Variants in PIGG observed in about 807,000 individuals in gnomAD.
PIGG encodes the protein GPI ethanolamine phosphate transferase 2, catalytic subunit.
In PIGG, 70 loss-of-function variants were observed where a neutral mutation model predicts 83.2. The observed-to-expected ratio is 0.84, with a 90% CI of 0.69 to 1.03. PIGG has a LOEUF of 1.03. PIGG is among the 50% of genes least tolerant of loss of function. The pLI is 0.00. For missense variants in PIGG, 1,257 were observed against 1,233.6 expected, an observed-to-expected ratio of 1.02 and a Z score of -0.28; for synonymous variants, 532 against 519.5, an observed-to-expected ratio of 1.02 and a Z score of -0.33.
In PIGG at chr4:505,891, T is replaced by C. The variant is rs782795969; in HGVS notation, c.534T>C (p.Asp178=). 6.8e-6 allele frequency: 11 copies of C among 1,613,100 alleles called. No homozygotes were observed. The highest frequency in any genetic ancestry group is 1.3e-5 in the African/African-American group (1 of 74,522). Residue 178 remains aspartate (D), a synonymous_variant, in exon 3 of 13, where the codon GAT becomes GAC. Coordinates refer to ENST00000453061, the MANE Select transcript of PIGG (RefSeq NM_001127178.3). ...KLFPKHFVEY[D]GTTSFFVSDY... is the part of the protein sequence containing the mutation. ...TCCCAAAGCATTTTGTGGAATATGA[T>C]GGAACAACCTCATTTTTCGTGTCAG...
In PIGG at chr4:506,045, G is replaced by A. The variant is rs375309819; in HGVS notation, c.570+118G>A. 172 of 693,204 alleles carry A rather than the reference G, an allele frequency of 2.5e-4. 2 individuals carry two copies. Among genetic ancestry groups the A allele is most frequent in the South Asian group, 1.9e-3 (95 of 51,138 alleles). 42.9% of individuals were successfully genotyped at this position (693,204 alleles called of 1,614,324 possible). On this transcript the variant is annotated intron_variant, in intron 3 of 12. Transcript: ENST00000453061. ...TATATTTGGTTTTATTAATTTATAG[G>A]GAGTACTATGGACAGGTGTAAAAAT...
Position 519,932 on chromosome 4 carries a change from G to A in PIGG, c.1115-1124G>A, listed in dbSNP as rs186425977. ...GCAGCAGTGGGGTGGGCCTGCAGGC[G>A]TGTGGGTTCATGCTTAGGGACTTGG... On this transcript the variant is annotated intron_variant, in intron 6 of 12. Transcript: ENST00000453061. Among the ~76,000 whole-genome samples the A allele has an allele frequency of 1.9e-3, 267 of 143,918 alleles. 7 individuals carry two copies. The East Asian group carries it at 0.038, about 21-fold the overall frequency. The allele number at this position is 143,918 out of a possible 152,430, so 94.4% of individuals were successfully genotyped here.
chr4:524,088 A>G (rs1726881488), intron 9 of PIGG, among the ~76,000 whole-genome samples, 175 bp downstream of exon 9: 1 of 152,234 alleles, frequency 6.6e-6, no homozygotes, highest in African/African-American at 2.4e-5. Context: ...TACTAGAATC[A>G]ATGTTGAGAA....
chr4:509,343 C>T (rs1448553655), intron 5 of PIGG, among the ~76,000 whole-genome samples: 2 of 152,192 alleles, frequency 1.3e-5, no homozygotes, highest in Non-Finnish European at 2.9e-5. Flanking sequence ...ATAGCAGTGT[C>T]AACAAGAGTC....
chr4:506,810 G>A (rs1350022742), intron 3 of PIGG: 1 of 456,076 alleles, frequency 2.2e-6, no homozygotes, highest in Non-Finnish European at 4.4e-6. Flanking sequence ...CAGCCTTCTT[G>A]TAGGACACAT....
intron 10 of PIGG, 94 bp from the exon 11 acceptor site, chr4:530,342 T>G: frequency 1.2e-6 from 1 of 867,044 alleles, no homozygotes; most frequent in Non-Finnish European, 1.8e-6. Context: ...CATTTACTGG[T>G]TCCCTGGGTA....
At position 528,838 on chromosome 4, in the gene PIGG, C is replaced by A; in HGVS notation, c.2262-1598C>A. 2.0e-6 allele frequency: 1 copy of A among 494,148 alleles called. No homozygotes were observed. The highest frequency in any genetic ancestry group is 2.6e-6 in the Non-Finnish European group (1 of 380,738). 30.6% of individuals were successfully genotyped at this position (494,148 alleles called of 1,614,324 possible). On this transcript the variant is annotated intron_variant, in intron 10 of 12. Coordinates refer to ENST00000453061, the MANE Select transcript of PIGG (RefSeq NM_001127178.3). The surrounding 1 kb of genome is among the most constrained non-coding windows in gnomAD (Gnocchi z 4.8). The stretch of plus-strand genomic sequence containing the variant: ...TCCAGAACTAGCCAGTGTGCCTTTT[C>A]TTTCCACACGCACTGCCTGGTTCAC...
At chr4:521,387 T>C in intron 7 of PIGG, 114 bp downstream of exon 7, 1 of 761,894 alleles carries the variant, frequency 1.3e-6, no homozygotes, top group Non-Finnish European at 2.1e-6. Flanking sequence ...AAAATATTAA[T>C]TTTCTTGTTT....
In PIGG at chr4:527,041, C is replaced by A. The variant is rs766627708; in HGVS notation, c.2072C>A (p.Ser691Tyr). Residue 691 changes from serine (S) to tyrosine (Y), a missense_variant and splice_region_variant, in exon 10 of 13, where the codon TCT (serine) becomes TAT (tyrosine). Coordinates refer to ENST00000453061, the MANE Select transcript of PIGG (RefSeq NM_001127178.3). ...TGGCATTTTCCATCTCATTTCAGCT[C>A]TGACCACAAAGCCGAGCTCTCTGTC... ...RPDLGHWLTS[S>Y]DHKAELSVLA... is the part of the protein sequence containing the mutation. 4.3e-6 allele frequency: 7 copies of A among 1,614,182 alleles called. No individual in the cohort carries two copies. In the South Asian group the frequency reaches 6.6e-5, roughly 15 times the overall value.
intron 5 of PIGG, 50 bp downstream of exon 5, chr4:509,020 C>T (rs1720924329): frequency 6.6e-7 from 1 of 1,512,520 alleles, no homozygotes; most frequent in Non-Finnish European, 9.1e-7. Context: ...CATTTGTTTT[C>T]TATAGTCTGG....
intron 12 of PIGG, chr4:536,426 G>C (rs56021036): frequency 6.6e-6 from 1 of 152,050 alleles, no homozygotes; most frequent in Non-Finnish European, 1.5e-5. Flanking sequence ...TACAGTCACC[G>C]CTGAGCTTGT....
chr4:539,223 GT>G lies in PIGG; in HGVS notation c.2810del (p.Leu937TrpfsTer2). The G allele has an allele frequency of 6.2e-7, 1 of 1,613,184 alleles. No individual in the cohort carries two copies. Among genetic ancestry groups the G allele is most frequent in the Non-Finnish European group, 8.5e-7 (1 of 1,179,154 alleles). On this transcript the variant is annotated frameshift_variant, in exon 13 of 13. Coordinates refer to ENST00000453061, the MANE Select transcript of PIGG (RefSeq NM_001127178.3). LOFTEE classifies it high-confidence loss of function. ...TTCTATTCCAGTTTTCACGTACATCGTTTTGGTGACATCTCTGCGTTATCAT... is the reference window on the plus strand; with the variant it reads ...TTCTATTCCAGTTTTCACGTACATCGTTTGGTGACATCTCTGCGTTATCAT... ...ICSIPVFTYI[V>X]LVTSLRYHLF...
chr4:525,300 AT>A (rs1727270184), intron 9 of PIGG: 2 of 985,398 alleles, frequency 2.0e-6, no homozygotes, highest in South Asian at 4.7e-5. Flanking sequence ...GGACAGAAAA[AT>A]AACTAAGATT....
Position 539,200 on chromosome 4 carries a change from C to A in PIGG, c.2783C>A (p.Ser928Tyr). ...HACFCYALIC[S>Y]IPVFTYIVLV... is the part of the protein sequence containing the mutation. Reference sequence around the variant, plus strand: ...TGCTTCTGCTACGCACTGATTTGTTCTATTCCAGTTTTCACGTACATCGTT... The same window carrying A: ...TGCTTCTGCTACGCACTGATTTGTTATATTCCAGTTTTCACGTACATCGTT... The change falls in exon 13 of 13, where the codon TCT becomes TAT. Residue 928 changes from serine (S) to tyrosine (Y), a missense_variant. Transcript: ENST00000453061. The A allele has an allele frequency of 6.2e-7, 1 of 1,613,560 alleles. No homozygotes were observed. The highest frequency in any genetic ancestry group is 8.5e-7 in the Non-Finnish European group (1 of 1,179,490).
At chr4:531,545 G>C (rs1729066734) in intron 11 of PIGG, 2 of 152,730 alleles carry the variant, frequency 1.3e-5, no homozygotes, top group African/African-American at 4.8e-5. Flanking sequence ...GTCCCTACAG[G>C]GCCTCTCTTC....
chr4:517,196 G>A (rs6838555), intron 6 of PIGG, among the ~76,000 whole-genome samples: 6,299 of 152,258 alleles, frequency 0.041, 318 homozygotes, highest in African/African-American at 0.12. Flanking sequence ...TGTCTCAGGC[G>A]CCCTCGTGGA....
chr4:502,597 A>C (rs1718145943), intron 2 of PIGG, among the ~76,000 whole-genome samples: 1 of 152,154 alleles, frequency 6.6e-6, no homozygotes, highest in Non-Finnish European at 1.5e-5. Context: ...TTCTTAAAGA[A>C]CTTTCTGGTC....
At chr4:509,637 C>T (rs1457961373) in intron 5 of PIGG, among the ~76,000 whole-genome samples, 1 of 152,256 alleles carries the variant, frequency 6.6e-6, no homozygotes, top group African/African-American at 2.4e-5. Context: ...GACCCTTCAG[C>T]ACCCTTAGTG....
chr4:505,049 A>G lies in PIGG; in HGVS notation c.361-669A>G, dbSNP rs116023724. On this transcript the variant is annotated intron_variant, in intron 2 of 12. Transcript: ENST00000453061. Reference sequence around the variant, plus strand: ...AGGAGTCGTATGGACTTTGCTTGTCACGTGGAGATTTGAATCTTAATTGGG... The same window carrying G: ...AGGAGTCGTATGGACTTTGCTTGTCGCGTGGAGATTTGAATCTTAATTGGG... Among the ~76,000 whole-genome samples, 1,135 of 152,262 alleles carry G rather than the reference A, an allele frequency of 7.5e-3. 11 individuals carry two copies. Among genetic ancestry groups the G allele is most frequent in the Non-Finnish European group, 0.011 (718 of 68,034 alleles).
Sources: gnomAD v4.1 joint callset for allele counts (sites outside exome capture counted in the v4.1 genomes callset) on GRCh38, gnomAD v4.1.1 for gene constraint, Gnocchi (gnomAD v3.1) non-coding constraint, MANE v1.5 for transcripts, NCBI Gene and HGNC (gene_info 2026-07-23, HGNC 2026-07-21) for gene names.